BCAS3: variants seen among roughly 807,000 people sequenced by gnomAD.
The protein encoded by BCAS3 is BCAS3 microtubule associated cell migration factor.
BCAS3 carries 53 observed loss-of-function variants against 116.1 expected under a neutral mutation model. The observed-to-expected ratio is 0.46, with a 90% CI of 0.37 to 0.57. The LOEUF (loss-of-function observed/expected upper bound fraction) is 0.57, where lower values mean the gene tolerates loss of function less well. Among genes scored for constraint, BCAS3 ranks in the 20% least tolerant of loss-of-function variants. BCAS3 has a pLI of 0.00. For synonymous variants in BCAS3, 391 were observed against 408.2 expected (o/e 0.96, Z 0.51); for missense variants, 917 against 1,165.4 (o/e 0.79, Z 3.10).
chr17:60,715,894 G>C (rs1287947588), intron 5 of BCAS3, among the ~76,000 whole-genome samples: 1 of 151,536 alleles, frequency 6.6e-6, no homozygotes, highest in Non-Finnish European at 1.5e-5. Flanking sequence ...ATGGAGTCTT[G>C]CTCTGTCACC....
At chr17:60,973,688 G>A (rs2062117289) in intron 14 of BCAS3, among the ~76,000 whole-genome samples, 3 of 151,214 alleles carry the variant, frequency 2.0e-5, no homozygotes, top group Admixed American at 2.0e-4. Flanking sequence ...CACCTCCCAG[G>A]TTCAAGCGAT....
intron 15 of BCAS3, among the ~76,000 whole-genome samples, chr17:60,992,997 A>G (rs1349314772): frequency 6.6e-6 from 1 of 152,174 alleles, no homozygotes; most frequent in Non-Finnish European, 1.5e-5. Context: ...GTAAATTAAG[A>G]AGGCTTTGTG....
At chr17:61,091,587 G>A (rs377038992) in intron 22 of BCAS3, among the ~76,000 whole-genome samples, 2 of 152,192 alleles carry the variant, frequency 1.3e-5, no homozygotes, top group African/African-American at 4.8e-5. Flanking sequence ...CCATTGAATA[G>A]TAAGCCCAGT....
Position 61,315,719 on chromosome 17 carries a change from C to T in BCAS3, c.2426-52608C>T, listed in dbSNP as rs78938108. 2.0e-3 allele frequency among the ~76,000 whole-genome samples: 302 copies of T among 152,258 alleles called. 1 individual carries two copies. The highest frequency in any genetic ancestry group is 6.7e-3 in the African/African-American group (277 of 41,560). ...CTGACCCCCCGTTTCATGCCCCACGCCTTTGCTGGTACTGGTCCCTGAGAT... is the reference window on the plus strand; with the variant it reads ...CTGACCCCCCGTTTCATGCCCCACGTCTTTGCTGGTACTGGTCCCTGAGAT... On this transcript the variant is annotated intron_variant, in intron 22 of 23. Coordinates refer to ENST00000407086, the MANE Select transcript of BCAS3 (RefSeq NM_017679.5). The surrounding 1 kb of genome is among the most constrained non-coding windows in gnomAD (Gnocchi z 5.3).
chr17:60,998,755 G>A (rs2064014763), intron 15 of BCAS3, among the ~76,000 whole-genome samples: 1 of 152,084 alleles, frequency 6.6e-6, no homozygotes, highest in Admixed American at 6.6e-5. Context: ...ATAGTTTGTA[G>A]TATTTTTTTC....
At chr17:60,710,960 A>G (rs2144021726) in intron 5 of BCAS3, among the ~76,000 whole-genome samples, 1 of 151,436 alleles carries the variant, frequency 6.6e-6, no homozygotes, top group Non-Finnish European at 1.5e-5. Flanking sequence ...GTGCCACCAC[A>G]CCCAGTTAAT....
chr17:61,244,537 C>A lies in BCAS3; in HGVS notation c.2426-123790C>A, dbSNP rs1249395783. On this transcript the variant is annotated intron_variant, in intron 22 of 23. Transcript: ENST00000407086. This position sits in a 1 kb window ranked among gnomAD's most constrained non-coding sequence, Gnocchi z 4.9. ...AATTTACTGTTAAAATTACCCAAAT[C>A]TCACATACTTTATTCAGTCTATATT... 2.0e-5 allele frequency among the ~76,000 whole-genome samples: 3 copies of A among 152,124 alleles called. No individual in the cohort carries two copies. Among genetic ancestry groups the A allele is most frequent in the Non-Finnish European group, 4.4e-5 (3 of 68,020 alleles).
chr17:60,901,724 G>C (rs547092917), intron 10 of BCAS3, among the ~76,000 whole-genome samples: 5 of 152,294 alleles, frequency 3.3e-5, no homozygotes, highest in Admixed American at 1.3e-4. Flanking sequence ...GTCTTCATCA[G>C]AGGACCTGGT....
rs533466860 is a variant in BCAS3 at position 60,912,202 on chromosome 17, A to G, written c.993+1500A>G. Among the ~76,000 whole-genome samples, 17 of 152,256 alleles carry G rather than the reference A, an allele frequency of 1.1e-4. No individual in the cohort carries two copies. In the South Asian group the frequency reaches 3.5e-3, roughly 32 times the overall value. Reference sequence around the variant, plus strand: ...GATATAAAAATACAATCTAGAATCAATTCCTAGAATGAGATAGGAGTAGGG... The same window carrying G: ...GATATAAAAATACAATCTAGAATCAGTTCCTAGAATGAGATAGGAGTAGGG... On this transcript the variant is annotated intron_variant, in intron 12 of 23. Coordinates refer to ENST00000407086, the MANE Select transcript of BCAS3 (RefSeq NM_017679.5).
At chr17:60,892,180 C>T (rs979875410) in intron 10 of BCAS3, among the ~76,000 whole-genome samples, 7 of 152,258 alleles carry the variant, frequency 4.6e-5, no homozygotes, top group African/African-American at 1.7e-4. Context: ...GGTGGGATTG[C>T]TGGGTCGAAT....
At position 60,990,294 on chromosome 17, in the gene BCAS3, AC is replaced by A; in HGVS notation, c.1486+60del. The A allele has an allele frequency of 1.3e-6, 2 of 1,564,852 alleles. No homozygotes were observed. Among genetic ancestry groups the A allele is most frequent in the Non-Finnish European group, 1.7e-6 (2 of 1,146,270 alleles). ...CTTCCTTCCCTTTGTCCTTATTTTTACAGATCTGGGATAAAACTAAACTTGT... is the reference window on the plus strand; with the variant it reads ...CTTCCTTCCCTTTGTCCTTATTTTTAAGATCTGGGATAAAACTAAACTTGT... On this transcript the variant is annotated intron_variant, in intron 15 of 23. Transcript: ENST00000407086. This position sits in a 1 kb window ranked among gnomAD's most constrained non-coding sequence, Gnocchi z 5.1.
chr17:60,784,958 G>C (rs1013317232), intron 6 of BCAS3, among the ~76,000 whole-genome samples: 1 of 151,888 alleles, frequency 6.6e-6, no homozygotes, highest in Non-Finnish European at 1.5e-5. Context: ...TTAGCTGGGC[G>C]TGGTGGCAGG....
intron 15 of BCAS3, among the ~76,000 whole-genome samples, chr17:61,014,961 A>G (rs2065351529): frequency 6.6e-6 from 1 of 152,210 alleles, no homozygotes; most frequent in African/African-American, 2.4e-5. Flanking sequence ...TGAAAACTAC[A>G]AAACAACATT....
At position 61,324,908 on chromosome 17, in the gene BCAS3, G is replaced by T. The variant is rs2055603580; in HGVS notation, c.2426-43419G>T. On this transcript the variant is annotated intron_variant, in intron 22 of 23. Coordinates refer to ENST00000407086, the MANE Select transcript of BCAS3 (RefSeq NM_017679.5). The surrounding 1 kb of genome is among the most constrained non-coding windows in gnomAD (Gnocchi z 4.6). ...CTCCATGTTCAAAAGTCTAACCTTC[G>T]AAGACTTCTAAGAGTTTTAGAAGAA... 6.6e-6 allele frequency among the ~76,000 whole-genome samples: 1 copy of T among 152,032 alleles called. No individual in the cohort carries two copies. The highest frequency in any genetic ancestry group is 6.6e-5 in the Admixed American group (1 of 15,264).
At chr17:61,053,972 A>G (rs765576624) in intron 19 of BCAS3, among the ~76,000 whole-genome samples, 6 of 152,224 alleles carry the variant, frequency 3.9e-5, no homozygotes, top group African/African-American at 1.4e-4. Flanking sequence ...AGCCACATGT[A>G]TGTTTTATAA....
chr17:60,857,025 T>G (rs143519509), intron 7 of BCAS3, among the ~76,000 whole-genome samples: 1 of 152,320 alleles, frequency 6.6e-6, no homozygotes, highest in East Asian at 1.9e-4. Flanking sequence ...ATGGGTCAAA[T>G]GTACAGTAGG....
At position 61,341,984 on chromosome 17, in the gene BCAS3, A is replaced by T. The variant is rs192187042; in HGVS notation, c.2426-26343A>T. Among the ~76,000 whole-genome samples the T allele has an allele frequency of 5.0e-4, 76 of 152,344 alleles. 3 individuals are homozygous for T. In the East Asian group the frequency reaches 0.011, roughly 21 times the overall value. On this transcript the variant is annotated intron_variant, in intron 22 of 23. Transcript: ENST00000407086. ...ACGTGGACAGGCAGTGGGGGCAATC[A>T]TGAACTTCGGACAGTGGTTTAGGGC...
chr17:61,371,528 G>A (rs2059041428), intron 23 of BCAS3, among the ~76,000 whole-genome samples: 1 of 152,166 alleles, frequency 6.6e-6, no homozygotes, highest in Non-Finnish European at 1.5e-5. Context: ...GGTGACTCTA[G>A]TTAATAACAA....
intron 19 of BCAS3, among the ~76,000 whole-genome samples, chr17:61,044,063 G>A (rs1022860263): frequency 3.9e-5 from 6 of 151,990 alleles, no homozygotes; most frequent in Admixed American, 1.3e-4. Flanking sequence ...TTAAATGTAT[G>A]TATAGCTCAC....
Sources: allele counts gnomAD v4.1 joint callset (sites outside exome capture counted in the v4.1 genomes callset), GRCh38; gene constraint gnomAD v4.1.1; non-coding constraint Gnocchi (gnomAD v3.1); transcripts MANE v1.5; gene names NCBI Gene and HGNC (gene_info 2026-07-23, HGNC 2026-07-21).